The following ZMYM2 variants were observed in gnomAD, a reference collection of about 807,000 sequenced individuals.
The protein encoded by ZMYM2 is zinc finger MYM-type containing 2, also known as zinc finger MYM-type protein 2.
Under a neutral mutation model 162.8 loss-of-function variants are expected in ZMYM2, and 56 were observed. That is an observed-to-expected ratio of 0.34 (90% CI 0.28 to 0.43). The LOEUF is 0.43. Ranked by LOEUF, ZMYM2 falls within the 20% of genes least tolerant of loss-of-function variation. The pLI, the probability that ZMYM2 is intolerant of heterozygous loss-of-function variation, is 1.00. For synonymous variants in ZMYM2, 510 were observed against 541.6 expected (o/e 0.94, Z 0.81); for missense variants, 1,275 against 1,621.8 (o/e 0.79, Z 3.67).
intron 21 of ZMYM2, among the ~76,000 whole-genome samples, chr13:20,073,886 G>A (rs1957275489): frequency 6.6e-6 from 1 of 152,046 alleles, no homozygotes; most frequent in Non-Finnish European, 1.5e-5. Flanking sequence ...ACGGTTTTAA[G>A]CATTTTTAAG....
At position 19,981,951 on chromosome 13, in the gene ZMYM2, T is replaced by C. The variant is rs144254916; in HGVS notation, c.-10-11112T>C. 1.1e-3 allele frequency among the ~76,000 whole-genome samples: 172 copies of C among 152,306 alleles called. 1 individual carries two copies. In the Middle Eastern group the frequency reaches 0.017, roughly 15 times the overall value. ...TTAAGGGATGATCTGGGTGGATGTT[T>C]GTTGGGAAATCTCCATTCTTGGGTA... On this transcript the variant is annotated intron_variant, in intron 2 of 24. Transcript: ENST00000610343.
chr13:19,997,642 G>A (rs751039816), intron 3 of ZMYM2, among the ~76,000 whole-genome samples: 4 of 152,124 alleles, frequency 2.6e-5, no homozygotes, highest in Admixed American at 2.0e-4. Flanking sequence ...GTCTTTCATT[G>A]TAACCTTGCC....
At chr13:20,009,646 A>G (rs888066982) in intron 6 of ZMYM2, among the ~76,000 whole-genome samples, 1 of 152,216 alleles carries the variant, frequency 6.6e-6, no homozygotes, top group African/African-American at 2.4e-5. Flanking sequence ...ATGTAAGTGA[A>G]ATTATATAAT....
chr13:19,885,955 A>G, the ZMYM2 span, among the ~76,000 whole-genome samples: 4 of 81,736 alleles, frequency 4.9e-5, 1 homozygote, highest in Admixed American at 2.3e-4. Flanking sequence ...GTATATACAC[A>G]TATATATGTG....
At chr13:20,003,922 T>G (rs577440642) in intron 4 of ZMYM2, among the ~76,000 whole-genome samples, 43 of 152,344 alleles carry the variant, frequency 2.8e-4, no homozygotes, top group African/African-American at 9.9e-4. Context: ...GTGCTGGGAT[T>G]ATAGGCGTGA....
chr13:20,067,066 A>C (rs778131026), intron 20 of ZMYM2, 47 bp downstream of exon 20: 2 of 1,515,398 alleles, frequency 1.3e-6, no homozygotes, highest in African/African-American at 2.8e-5. Context: ...TAAAATCAAG[A>C]TTTCTGTTAT....
At chr13:19,918,789 A>G in the ZMYM2 span, among the ~76,000 whole-genome samples, 223 of 152,170 alleles carry the variant, frequency 1.5e-3, no homozygotes, top group African/African-American at 5.1e-3. Context: ...GTGAGCCACC[A>G]CACCTGGCCA....
chr13:19,937,087 A>T, the ZMYM2 span, among the ~76,000 whole-genome samples: 2 of 152,092 alleles, frequency 1.3e-5, no homozygotes, highest in African/African-American at 2.4e-5. Flanking sequence ...AATTAAATTT[A>T]AAAAATCAAC....
At chr13:19,978,980 T>G (rs886840057) in intron 2 of ZMYM2, among the ~76,000 whole-genome samples, 1 of 152,160 alleles carries the variant, frequency 6.6e-6, no homozygotes, top group Admixed American at 6.6e-5. Flanking sequence ...AGTTTCACCT[T>G]ATTTTTGGAG....
At chr13:19,883,063 T>C in the ZMYM2 span, among the ~76,000 whole-genome samples, 2 of 152,178 alleles carry the variant, frequency 1.3e-5, no homozygotes, top group Non-Finnish European at 2.9e-5. Flanking sequence ...TGGAATATTA[T>C]TGTTAAAAAG....
chr13:19,929,557 G>A, the ZMYM2 span, among the ~76,000 whole-genome samples: 1 of 152,096 alleles, frequency 6.6e-6, no homozygotes, highest in Non-Finnish European at 1.5e-5. Context: ...TATCCTTAAT[G>A]TGGTGATTAA....
chr13:19,899,725 G>A, the ZMYM2 span, among the ~76,000 whole-genome samples: 1 of 147,686 alleles, frequency 6.8e-6, no homozygotes, highest in African/African-American at 2.5e-5. Context: ...GCTGAGGCAG[G>A]AGAATCACTT....
At position 20,034,403 on chromosome 13, in the gene ZMYM2, A is replaced by G; in HGVS notation, c.2118A>G (p.Glu706=). Residue 706 remains glutamate (E), a splice_region_variant and synonymous_variant, in exon 11 of 25, where the codon GAA becomes GAG. Transcript: ENST00000610343. ...GCGTTAAGAGACCTTTCTGTAGTGAAGGCAAGTTGCATATACAGTGTTGTT... is the reference window on the plus strand; with the variant it reads ...GCGTTAAGAGACCTTTCTGTAGTGAGGGCAAGTTGCATATACAGTGTTGTT... ...FSGVKRPFCS[E]GCKLLYKQDF... 6.3e-7 allele frequency: 1 copy of G among 1,584,786 alleles called. No homozygotes were observed. Among genetic ancestry groups the G allele is most frequent in the South Asian group, 1.2e-5 (1 of 84,570 alleles).
At chr13:19,951,685 G>A in the ZMYM2 span, among the ~76,000 whole-genome samples, 1 of 152,028 alleles carries the variant, frequency 6.6e-6, no homozygotes, top group East Asian at 1.9e-4. Context: ...CTGGGTGACA[G>A]AGCTAGACTC....
chr13:19,970,378 T>C (rs537595187), intron 2 of ZMYM2, among the ~76,000 whole-genome samples: 3 of 152,288 alleles, frequency 2.0e-5, no homozygotes, highest in African/African-American at 7.2e-5. Flanking sequence ...TGTTACTAAC[T>C]GTAATTACGC....
chr13:20,022,517 C>G (rs1952208480), intron 7 of ZMYM2, among the ~76,000 whole-genome samples: 1 of 152,108 alleles, frequency 6.6e-6, no homozygotes, highest in Admixed American at 6.6e-5. Flanking sequence ...GTTAAGCAAA[C>G]TTTTCACCCA....
intron 12 of ZMYM2, among the ~76,000 whole-genome samples, chr13:20,040,520 C>T (rs1954151198): frequency 2.6e-5 from 4 of 151,032 alleles, no homozygotes; most frequent in South Asian, 2.1e-4. Flanking sequence ...CTATTAATCC[C>T]GCCCACCCCT....
Position 20,005,179 on chromosome 13 carries a change from G to A in ZMYM2, c.1239G>A (p.Gln413=), listed in dbSNP as rs369748973. The change falls in exon 5 of 25, where the codon CAG becomes CAA. Residue 413 remains glutamine, a synonymous_variant. Coordinates refer to ENST00000610343, the MANE Select transcript of ZMYM2 (RefSeq NM_197968.4). Reference sequence around the variant, plus strand: ...GTTTATCTCTCTATGAAGACAAACAGAATCCTACTAAAGGAGCTCTAAATA... The same window carrying A: ...GTTTATCTCTCTATGAAGACAAACAAAATCCTACTAAAGGAGCTCTAAATA... ...TSCLSLYEDK[Q]NPTKGALNKS... is the part of the protein sequence containing the mutation. The A allele has an allele frequency of 4.4e-6, 7 of 1,593,430 alleles. No homozygotes were observed. Among genetic ancestry groups the A allele is most frequent in the Non-Finnish European group, 5.1e-6 (6 of 1,173,486 alleles).
intron 21 of ZMYM2, among the ~76,000 whole-genome samples, chr13:20,081,175 GT>G (rs1210331120): frequency 6.6e-6 from 1 of 151,742 alleles, no homozygotes; most frequent in Non-Finnish European, 1.5e-5. Context: ...TCCACTATTG[GT>G]TTATTATTTG....
Sources: gnomAD v4.1 joint callset for allele counts (sites outside exome capture counted in the v4.1 genomes callset) on GRCh38, gnomAD v4.1.1 for gene constraint, MANE v1.5 for transcripts, NCBI Gene and HGNC (gene_info 2026-07-23, HGNC 2026-07-21) for gene names.